UBA6: variants seen among roughly 807,000 people sequenced by gnomAD.
UBA6 encodes ubiquitin-like modifier-activating enzyme 6.
A neutral mutation model predicts 148.3 loss-of-function variants in UBA6; 87 were observed. That is an observed-to-expected ratio of 0.59 (90% CI 0.49 to 0.70). The LOEUF (loss-of-function observed/expected upper bound fraction) is 0.70, where lower values mean the gene tolerates loss of function less well. Ranked by LOEUF, UBA6 falls within the 30% of genes least tolerant of loss-of-function variation. UBA6 has a pLI of 0.00. For synonymous variants in UBA6, 376 were observed against 401.0 expected (o/e 0.94, Z 0.75); for missense variants, 1,186 against 1,241.2 (o/e 0.96, Z 0.67).
intron 13 of UBA6, among the ~76,000 whole-genome samples, chr4:67,658,509 T>C (rs900937028): frequency 6.6e-6 from 1 of 152,068 alleles, no homozygotes; most frequent in African/African-American, 2.4e-5. Context: ...TGAGAACACA[T>C]GGATACACTG....
At chr4:67,653,053 T>C (rs1729592707) in intron 13 of UBA6, among the ~76,000 whole-genome samples, 1 of 152,170 alleles carries the variant, frequency 6.6e-6, no homozygotes. Flanking sequence ...CCACCCCAGC[T>C]CAGCAAGGCC....
At chr4:67,644,621 T>C in intron 17 of UBA6, 77 bp downstream of exon 17, 1 of 831,070 alleles carries the variant, frequency 1.2e-6, no homozygotes, top group Admixed American at 2.0e-5. Flanking sequence ...ATACTTCAGA[T>C]TTATGCAGTC....
chr4:67,692,610 C>G (rs1248904047), intron 2 of UBA6, among the ~76,000 whole-genome samples: 1 of 152,162 alleles, frequency 6.6e-6, no homozygotes, highest in African/African-American at 2.4e-5. Flanking sequence ...AGTACCTTGC[C>G]AGCAAGAACT....
At chr4:67,696,227 C>A (rs959408400) in intron 2 of UBA6, among the ~76,000 whole-genome samples, 1 of 152,018 alleles carries the variant, frequency 6.6e-6, no homozygotes, top group Non-Finnish European at 1.5e-5. Flanking sequence ...AACTTAAATA[C>A]GTATTATTGT....
At chr4:67,672,890 T>C (rs1730184331) in intron 7 of UBA6, among the ~76,000 whole-genome samples, 1 of 152,176 alleles carries the variant, frequency 6.6e-6, no homozygotes, top group African/African-American at 2.4e-5. Context: ...GAACTGTCCT[T>C]CTCCCTACAT....
intron 2 of UBA6, among the ~76,000 whole-genome samples, chr4:67,686,049 A>C (rs182494758): frequency 1.3e-5 from 2 of 152,370 alleles, no homozygotes; most frequent in African/African-American, 4.8e-5. Context: ...AAGAGCTGAG[A>C]GTATAACTGC....
At chr4:67,655,910 C>T (rs1729677555) in intron 13 of UBA6, among the ~76,000 whole-genome samples, 1 of 152,136 alleles carries the variant, frequency 6.6e-6, no homozygotes, top group East Asian at 1.9e-4. Flanking sequence ...ACTATAAGCC[C>T]CTCTATGCAA....
chr4:67,692,907 A>C (rs1436372023), intron 2 of UBA6, among the ~76,000 whole-genome samples: 1 of 152,222 alleles, frequency 6.6e-6, no homozygotes, highest in African/African-American at 2.4e-5. Context: ...AATCTGGCAG[A>C]AGGGTTCCGA....
chr4:67,624,349 C>A, intron 29 of UBA6, 96 bp from the exon 30 acceptor site: 2 of 1,189,058 alleles, frequency 1.7e-6, no homozygotes, highest in Middle Eastern at 2.4e-4. Flanking sequence ...AAGCATTTCT[C>A]TGTGGATAGT....
chr4:67,634,300 T>C lies in UBA6; in HGVS notation c.1955A>G (p.Lys652Arg), dbSNP rs760462985. The change falls in exon 22 of 33, where the codon AAA becomes AGA. Residue 652 changes from lysine to arginine, a missense_variant. Transcript: ENST00000322244. ...CCAAAATTTGTTAAACAATGAAGGT[T>C]TGTGGGAAAAGGAACTTTCAAACTG... Reference protein sequence around the residue: ...RDKFESSFSHKPSLFNKFWQT... With the variant: ...RDKFESSFSHRPSLFNKFWQT... The C allele has an allele frequency of 6.3e-7, 1 of 1,595,574 alleles. No individual in the cohort carries two copies. Among genetic ancestry groups the C allele is most frequent in the African/African-American group, 1.4e-5 (1 of 73,836 alleles).
chr4:67,624,582 T>G (rs1447718086), intron 29 of UBA6, among the ~76,000 whole-genome samples: 2 of 152,060 alleles, frequency 1.3e-5, no homozygotes, highest in East Asian at 3.9e-4. Context: ...AATAACTACA[T>G]AGCTTCATAG....
At chr4:67,619,672 C>T (rs1728709049) in intron 32 of UBA6, among the ~76,000 whole-genome samples, 1 of 152,202 alleles carries the variant, frequency 6.6e-6, no homozygotes, top group Non-Finnish European at 1.5e-5. Context: ...TTGGAGGCAT[C>T]ATAAATTCAA....
intron 30 of UBA6, 66 bp from the exon 31 acceptor site, chr4:67,623,288 A>G (rs570700525): frequency 2.5e-6 from 3 of 1,206,154 alleles, no homozygotes; most frequent in Non-Finnish European, 3.6e-6. Flanking sequence ...TGACACACAC[A>G]CAAAAAAAAC....
chr4:67,678,869 T>C (rs1730354688), intron 4 of UBA6, among the ~76,000 whole-genome samples: 1 of 152,174 alleles, frequency 6.6e-6, no homozygotes, highest in Non-Finnish European at 1.5e-5. Flanking sequence ...AAAAGACATA[T>C]GCATTTATCC....
At chr4:67,636,918 C>T (rs1461732933) in intron 19 of UBA6, among the ~76,000 whole-genome samples, 1 of 151,676 alleles carries the variant, frequency 6.6e-6, no homozygotes, top group East Asian at 2.0e-4. Flanking sequence ...AGCGCCTCTT[C>T]CCGGCCGCCA....
chr4:67,626,510 TATC>T (rs749413318), intron 27 of UBA6, 33 bp from the exon 28 acceptor site: 17 of 1,316,070 alleles, frequency 1.3e-5, no homozygotes, highest in Non-Finnish European at 1.8e-5. Context: ...TTATTAATGT[TATC>T]ATTTCCTGCA....
rs773665913 is a variant in UBA6, at chr4:67,662,114, A to T, written c.1104+75T>A. 3.6e-6 allele frequency: 5 copies of T among 1,407,106 alleles called. No homozygotes were observed. The East Asian group carries it at 9.2e-5, about 26-fold the overall frequency. 87.2% of individuals were successfully genotyped at this position (1,407,106 alleles called of 1,614,324 possible). A position where few individuals can be genotyped will look rare whatever the true frequency, so the allele number is the denominator to read the frequency against. ...AGTAGCAAAGCTGGATGTGAAGGAT[A>T]AGAGAATACTAATATACAGAACACT... On this transcript the variant is annotated intron_variant, in intron 13 of 32. Coordinates refer to ENST00000322244, the MANE Select transcript of UBA6 (RefSeq NM_018227.6).
intron 29 of UBA6, 144 bp from the exon 30 acceptor site, chr4:67,624,397 A>T: frequency 1.6e-6 from 1 of 644,120 alleles, no homozygotes; most frequent in African/African-American, 1.9e-5. Flanking sequence ...TAAATTTCTT[A>T]TTACAGGTCT....
rs1728570266 is a variant in UBA6, at chr4:67,613,270, T to C, written c.*5727A>G. The C allele has an allele frequency of 6.6e-6, 1 of 152,066 alleles. No individual in the cohort carries two copies. Among genetic ancestry groups the C allele is most frequent in the Non-Finnish European group, 1.5e-5 (1 of 68,006 alleles). The allele number at this position is 152,066 out of a possible 1,614,324, so 9.4% of individuals were successfully genotyped here. On this transcript the variant is annotated 3_prime_UTR_variant, in exon 33 of 33. Transcript: ENST00000322244. ...ATTCTGAGCATCAAGTTATTTCTAG[T>C]TTTTTCAAACAATATTGGTAAATAA...
Sources: allele counts gnomAD v4.1 joint callset (sites outside exome capture counted in the v4.1 genomes callset), GRCh38; gene constraint gnomAD v4.1.1; transcripts MANE v1.5; gene names NCBI Gene and HGNC (gene_info 2026-07-23, HGNC 2026-07-21).